The following DACT2 variants were observed in gnomAD, a reference collection of about 807,000 sequenced individuals.
DACT2 encodes dapper homolog 2.
Under a neutral mutation model 22.2 loss-of-function variants are expected in DACT2, and 20 were observed. The ratio of observed to expected loss-of-function variants is 0.90; its 90% confidence interval spans 0.63 to 1.31. DACT2 has a LOEUF of 1.31. Ranked by LOEUF, DACT2 falls within the 50% of genes most tolerant of loss-of-function variation. The pLI, the probability that DACT2 is intolerant of heterozygous loss-of-function variation, is 0.00. For synonymous variants in DACT2, 463 were observed against 479.8 expected (o/e 0.96, Z 0.46); for missense variants, 1,048 against 1,061.4 (o/e 0.99, Z 0.18).
Position 168,308,686 on chromosome 6 carries a change from T to A in DACT2, c.1071A>T (p.Leu357=). 1 of 1,546,414 alleles carries A rather than the reference T, an allele frequency of 6.5e-7. No individual in the cohort carries two copies. The highest frequency in any genetic ancestry group is 8.7e-7 in the Non-Finnish European group (1 of 1,146,844). The change falls in exon 4 of 4, where the codon CTA becomes CTT. Residue 357 remains leucine, a synonymous_variant. Coordinates refer to ENST00000366795, the MANE Select transcript of DACT2 (RefSeq NM_214462.5). ...GTGGAGATGGGGACGCTGCATGCCT[T>A]AGAGGTCCCTGTTCTCCCTCGCTAC... ...AKGSEGEQGP[L]RHAASPSPQR...
chr6:168,297,178 G>A (rs985476337), intron 3 of DACT2, among the ~76,000 whole-genome samples: 2 of 152,326 alleles, frequency 1.3e-5, no homozygotes, highest in South Asian at 4.1e-4. Flanking sequence ...TCTTGGGCAT[G>A]GCAGGTGGGA....
At chr6:168,315,988 C>T (rs1779534885) in intron 1 of DACT2, among the ~76,000 whole-genome samples, 1 of 152,210 alleles carries the variant, frequency 6.6e-6, no homozygotes, top group Non-Finnish European at 1.5e-5. Flanking sequence ...TGATGTCACA[C>T]AAATTCAATT....
chr6:168,308,421 C>G lies in DACT2; in HGVS notation c.1336G>C (p.Ala446Pro), dbSNP rs570366910. The G allele has an allele frequency of 4.5e-6, 7 of 1,551,742 alleles. No individual in the cohort carries two copies. In the African/African-American group the frequency reaches 6.8e-5, roughly 15 times the overall value. ...TMVQASPSSK[A>P]QQTPSAQDYG... ...TCCTGAGCTGAGGGTGTCTGCTGGG[C>G]CTTTGAGCTGGGAGAAGCCTGCACC... Residue 446 changes from alanine to proline, a missense_variant, in exon 4 of 4, where the codon GCC becomes CCC. By Grantham distance (27) the Ala-to-Pro change is conservative. Coordinates refer to ENST00000366795, the MANE Select transcript of DACT2 (RefSeq NM_214462.5).
At position 168,307,667 on chromosome 6, in the gene DACT2, C is replaced by T. The variant is rs139117263; in HGVS notation, c.2090G>A (p.Arg697His). ...CTCCTCGTCGCTGCTGCTGGACTCA[C>T]GGTCTCCGAATCGGTTGGTGGTGTG... ...SDHTTNRFGD[R>H]ESSSSDEEGG... Residue 697 changes from arginine to histidine, a missense_variant, in exon 4 of 4, where the codon CGT (arginine) becomes CAT (histidine). Arg to His is a conservative substitution (Grantham distance 29). Transcript: ENST00000366795. This position sits in a 1 kb window ranked among gnomAD's most constrained non-coding sequence, Gnocchi z 5.3. The T allele has an allele frequency of 2.2e-4, 339 of 1,549,112 alleles. No homozygotes were observed. The African/African-American group carries it at 3.6e-3, about 16-fold the overall frequency.
chr6:168,303,076 C>G (rs9456045), downstream of DACT2, among the ~76,000 whole-genome samples: 2,636 of 152,226 alleles, frequency 0.017, 48 homozygotes, highest in African/African-American at 0.047. Flanking sequence ...ATAATTTTGC[C>G]CTTTTTTCAC....
chr6:168,312,547 T>C (rs1779447155), intron 1 of DACT2, among the ~76,000 whole-genome samples: 1 of 152,250 alleles, frequency 6.6e-6, no homozygotes, highest in South Asian at 2.1e-4. Flanking sequence ...CTGCGCCTTC[T>C]CCTGGCCTCA....
At chr6:168,302,841 G>A (rs12207185), downstream of DACT2, among the ~76,000 whole-genome samples, 72,713 of 152,038 alleles carry the variant, frequency 0.48, 18,188 homozygotes, top group Non-Finnish European at 0.56. Context: ...TGTGTCTGCT[G>A]GATAGTGGCG....
In DACT2 at chr6:168,319,509, C is replaced by CGCTCCTGCTGCGTGGCTCGCA. The variant is rs1779595542; in HGVS notation, c.104_124dup (p.Leu35_Glu41dup). 1.5e-6 allele frequency: 2 copies of CGCTCCTGCTGCGTGGCTCGCA among 1,329,620 alleles called. No individual in the cohort carries two copies. Among genetic ancestry groups the CGCTCCTGCTGCGTGGCTCGCA allele is most frequent in the Non-Finnish European group, 1.9e-6 (2 of 1,032,674 alleles). The allele number at this position is 1,329,620 out of a possible 1,614,324, so 82.4% of individuals were successfully genotyped here. A position where few individuals can be genotyped will look rare whatever the true frequency, so the allele number is the denominator to read the frequency against. ...CTGCAGGGCCAGGGCGCCCCGTACC[C>CGCTCCTGCTGCGTGGCTCGCA]GCTCCTGCTGCGTGGCTCGCAGCCC... On this transcript the variant is annotated inframe_insertion, in exon 1 of 4. Transcript: ENST00000366795.
rs534251113 is a variant in DACT2 at position 168,310,557 on chromosome 6, G to A, written c.380-111C>T. ...GTGGGCCCAGGGGAACCCCTGAGCT[G>A]AGGCTACCGGAGGCTGTGTGCCATC... On this transcript the variant is annotated intron_variant, in intron 2 of 3. Transcript: ENST00000366795. 2.3e-4 allele frequency: 316 copies of A among 1,352,082 alleles called. 1 individual carries two copies. The African/African-American group carries it at 4.2e-3, about 18-fold the overall frequency. 83.8% of individuals were successfully genotyped at this position (1,352,082 alleles called of 1,614,324 possible).
At chr6:168,294,243 A>G in intron 4 of DACT2, 1 of 702,924 alleles carries the variant, frequency 1.4e-6, no homozygotes, top group Non-Finnish European at 2.6e-6. Context: ...CATGAGTGCC[A>G]GGAGCTCTGT....
At chr6:168,311,127 C>A in intron 2 of DACT2, 25 bp downstream of exon 2, 1 of 1,506,466 alleles carries the variant, frequency 6.6e-7, no homozygotes, top group South Asian at 1.2e-5. Flanking sequence ...GCCCCTGTGT[C>A]CGGGAGGTCA....
rs1213328715 is a variant in DACT2, at chr6:168,309,082, G to C, written c.675C>G (p.Ala225=). ...RPVSTGDLDR[A]LPADTGLQKA... ...TCTGGAGCCCCGTGTCCGCCGGCAG[G>C]GCTCTGTCAAGATCACCTGGGAGCG... The change falls in exon 4 of 4, where the codon GCC becomes GCG. Residue 225 remains alanine, a synonymous_variant. Coordinates refer to ENST00000366795, the MANE Select transcript of DACT2 (RefSeq NM_214462.5). The C allele has an allele frequency of 6.5e-7, 1 of 1,530,316 alleles. No individual in the cohort carries two copies. The highest frequency in any genetic ancestry group is 1.2e-5 in the South Asian group (1 of 83,408). The allele number at this position is 1,530,316 out of a possible 1,614,324, so 94.8% of individuals were successfully genotyped here. A position where few individuals can be genotyped will look rare whatever the true frequency, so the allele number is the denominator to read the frequency against.
In DACT2 at chr6:168,308,897, GGGCTCTGTAGAGCCAC is replaced by G; in HGVS notation, c.844_859del (p.Val282ProfsTer5). On this transcript the variant is annotated frameshift_variant, in exon 4 of 4. Transcript: ENST00000366795. LOFTEE classifies it low-confidence loss of function (END_TRUNC). Reference sequence around the variant, plus strand: ...GGTTTCCTTAGTCAGGACAAACAGGGGGCTCTGTAGAGCCACGGCGTGCAGGGGGCTGGGGTACGGG... The same window carrying G: ...GGTTTCCTTAGTCAGGACAAACAGGGGGCGTGCAGGGGGCTGGGGTACGGG... 6.4e-7 allele frequency: 1 copy of G among 1,550,814 alleles called. No homozygotes were observed. Among genetic ancestry groups the G allele is most frequent in the Non-Finnish European group, 8.7e-7 (1 of 1,146,838 alleles).
Position 168,308,388 on chromosome 6 carries a change from G to C in DACT2, c.1369C>G (p.Arg457Gly), listed in dbSNP as rs548494411. Reference sequence around the variant, plus strand: ...CTGGATGGGGATATGATGTTGCCTCGTCCATAGTCCTGAGCTGAGGGTGTC... The same window carrying C: ...CTGGATGGGGATATGATGTTGCCTCCTCCATAGTCCTGAGCTGAGGGTGTC... ...QQTPSAQDYGRGNIISPSRML... is the reference protein window; with the variant it reads ...QQTPSAQDYGGGNIISPSRML... The change falls in exon 4 of 4, where the codon CGA (arginine) becomes GGA (glycine). Residue 457 changes from arginine (R) to glycine (G), a missense_variant. Arg to Gly is a moderately radical substitution (Grantham distance 125, BLOSUM62 -2). Coordinates refer to ENST00000366795, the MANE Select transcript of DACT2 (RefSeq NM_214462.5). 9 of 1,551,836 alleles carry C rather than the reference G, an allele frequency of 5.8e-6. No individual in the cohort carries two copies. The South Asian group carries it at 9.5e-5, about 16-fold the overall frequency.
At chr6:168,312,151 T>C (rs1779436773) in intron 1 of DACT2, among the ~76,000 whole-genome samples, 1 of 152,228 alleles carries the variant, frequency 6.6e-6, no homozygotes, top group African/African-American at 2.4e-5. Flanking sequence ...ATGGAAAATG[T>C]CAGCTTTACC....
intron 5 of DACT2, chr6:168,294,057 C>T: frequency 1.4e-6 from 1 of 703,032 alleles, no homozygotes; most frequent in South Asian, 1.5e-5. Context: ...ACCCACGATG[C>T]CCATGAGCAC....
chr6:168,293,771 G>A, exon 6 of DACT2: 1 of 679,182 alleles, frequency 1.5e-6, no homozygotes. Flanking sequence ...GGAAAGCAGA[G>A]TGACTTGGCG....
At chr6:168,311,684 A>T (rs142835356) in intron 1 of DACT2, among the ~76,000 whole-genome samples, 17 of 151,846 alleles carry the variant, frequency 1.1e-4, no homozygotes, top group South Asian at 6.3e-4. Context: ...ACACACACTC[A>T]CACACACACA....
chr6:168,314,669 C>T (rs566663463), intron 1 of DACT2, among the ~76,000 whole-genome samples: 60 of 152,334 alleles, frequency 3.9e-4, no homozygotes, highest in African/African-American at 1.4e-3. Flanking sequence ...ATCGCAACAC[C>T]TTTACGGCAC....
Sources: gnomAD v4.1 joint callset for allele counts (sites outside exome capture counted in the v4.1 genomes callset) on GRCh38, gnomAD v4.1.1 for gene constraint, Gnocchi (gnomAD v3.1) non-coding constraint, MANE v1.5 for transcripts, NCBI Gene and HGNC (gene_info 2026-07-23, HGNC 2026-07-21) for gene names.